PTBP3: variants seen among roughly 807,000 people sequenced by gnomAD.
The protein encoded by PTBP3 is polypyrimidine tract-binding protein 3.
Under a neutral mutation model 58.7 loss-of-function variants are expected in PTBP3, and 20 were observed. The ratio of observed to expected loss-of-function variants is 0.34; its 90% CI spans 0.24 to 0.50. PTBP3 has a LOEUF of 0.50. Ranked by LOEUF, PTBP3 falls within the 20% of genes least tolerant of loss-of-function variation. The pLI is 0.98. For synonymous variants in PTBP3, 185 were observed against 219.8 expected, an observed-to-expected ratio of 0.84 and a Z score of 1.40; for missense variants, 509 against 637.2, an observed-to-expected ratio of 0.80 and a Z score of 2.17.
At chr9:112,247,945 T>C (rs1449218503) in intron 7 of PTBP3, among the ~76,000 whole-genome samples, 1 of 152,148 alleles carries the variant, frequency 6.6e-6, no homozygotes, top group Non-Finnish European at 1.5e-5. Flanking sequence ...TATATGTATA[T>C]ACATACATAC....
chr9:112,320,962 G>C (rs1829923267), intron 1 of PTBP3, among the ~76,000 whole-genome samples: 2 of 152,144 alleles, frequency 1.3e-5, no homozygotes, highest in African/African-American at 4.8e-5. Context: ...GGAATAAGCA[G>C]ATTCCTTAGC....
At chr9:112,328,660 G>A (rs1233797008) in intron 1 of PTBP3, among the ~76,000 whole-genome samples, 1 of 152,050 alleles carries the variant, frequency 6.6e-6, no homozygotes, top group Non-Finnish European at 1.5e-5. Flanking sequence ...GGTGGTGCAC[G>A]CTTGTAGATT....
In PTBP3 at chr9:112,251,081, T is replaced by C. The variant is rs1950827225; in HGVS notation, c.650A>G (p.Tyr217Cys). 3 of 1,586,978 alleles carry C rather than the reference T, an allele frequency of 1.9e-6. No homozygotes were observed. Among genetic ancestry groups the C allele is most frequent in the Non-Finnish European group, 2.6e-6 (3 of 1,166,256 alleles). Residue 217 changes from tyrosine to cysteine, a missense_variant, in exon 7 of 14, where the codon TAT becomes TGT. Tyr to Cys is a radical substitution (Grantham distance 194). Around this residue, in one of 4 missense-constraint regions of PTBP3, gnomAD observed 41 missense variants for 78.0 expected, o/e 0.53. Coordinates refer to ENST00000374257, the MANE Select transcript of PTBP3 (RefSeq NM_001163788.4). ...AKMALDGQNI[Y>C]NACCTLRIDF... ...AATGCGCAGAGTGCAGCATGCATTA[T>C]AGATATTCTGGCCATCCAGAGCCTA...
At chr9:112,337,204 A>AT (rs1162412275), upstream of PTBP3, among the ~76,000 whole-genome samples, 4 of 152,026 alleles carry the variant, frequency 2.6e-5, no homozygotes, top group Non-Finnish European at 5.9e-5. Context: ...CAATTTTTGT[A>AT]TTTTTCATAG....
At chr9:112,297,978 TA>T in intron 1 of PTBP3, 62 bp from the exon 2 acceptor site, 2 of 1,272,368 alleles carry the variant, frequency 1.6e-6, no homozygotes, top group Non-Finnish European at 2.3e-6. Flanking sequence ...CCATATTTAC[TA>T]AAAGTATTAA....
intron 1 of PTBP3, among the ~76,000 whole-genome samples, chr9:112,300,137 T>C (rs1828855132): frequency 6.6e-6 from 1 of 152,004 alleles, no homozygotes; most frequent in Non-Finnish European, 1.5e-5. Context: ...TATATGGGAG[T>C]TAAGTATAAT....
At chr9:112,225,206 T>C (rs556020255) in intron 12 of PTBP3, among the ~76,000 whole-genome samples, 1 of 152,346 alleles carries the variant, frequency 6.6e-6, no homozygotes, top group African/African-American at 2.4e-5. Context: ...AAGGACAGTA[T>C]AGCAGAACAA....
At chr9:112,293,024 C>G (rs547970908) in intron 2 of PTBP3, among the ~76,000 whole-genome samples, 28 of 152,030 alleles carry the variant, frequency 1.8e-4, no homozygotes, top group Admixed American at 9.2e-4. Flanking sequence ...TCCACTGATA[C>G]AATAAAATAC....
chr9:112,239,521 C>T (rs73535729), intron 7 of PTBP3, among the ~76,000 whole-genome samples: 6 of 151,714 alleles, frequency 4.0e-5, no homozygotes, highest in East Asian at 1.9e-4. Context: ...CTTCAGGCCA[C>T]GAGTTCAAGA....
chr9:112,336,455 G>C (rs1015260288), upstream of PTBP3, among the ~76,000 whole-genome samples: 4 of 151,274 alleles, frequency 2.6e-5, no homozygotes, highest in Admixed American at 2.6e-4. Context: ...TTCCAAAAAG[G>C]CTGTACCAAT....
the PTBP3 span, among the ~76,000 whole-genome samples, chr9:112,359,955 T>C: frequency 6.6e-6 from 1 of 152,208 alleles, no homozygotes; most frequent in African/African-American, 2.4e-5. Flanking sequence ...AATGTTAACA[T>C]GATTATCTCT....
chr9:112,361,176 A>C, the PTBP3 span, among the ~76,000 whole-genome samples: 3 of 152,026 alleles, frequency 2.0e-5, no homozygotes, highest in East Asian at 5.8e-4. Flanking sequence ...GGCTTACTGA[A>C]ACCTCTGCCT....
chr9:112,227,461 G>A lies in PTBP3; in HGVS notation c.1314C>T (p.Asn438=), dbSNP rs1437195939. ...LHRFKKPGSK[N]FQNIFPPSAT... ...CTGATGGTGGAAAGATATTCTGGAA[G>A]TTTTTAGAGCCCGGCTTTTTAAAGC... The change falls in exon 12 of 14, where the codon AAC becomes AAT. Residue 438 remains asparagine, a synonymous_variant. Transcript: ENST00000374257. 2 of 1,614,010 alleles carry A rather than the reference G, an allele frequency of 1.2e-6. No homozygotes were observed. Among genetic ancestry groups the A allele is most frequent in the African/African-American group, 2.7e-5 (2 of 75,018 alleles).
At chr9:112,316,718 T>C (rs1829717572) in intron 1 of PTBP3, among the ~76,000 whole-genome samples, 1 of 151,524 alleles carries the variant, frequency 6.6e-6, no homozygotes, top group Non-Finnish European at 1.5e-5. Context: ...GGCGGGTGGA[T>C]CACTTGAGGT....
chr9:112,323,331 T>G (rs1830027078), intron 1 of PTBP3, among the ~76,000 whole-genome samples: 1 of 152,186 alleles, frequency 6.6e-6, no homozygotes, highest in Non-Finnish European at 1.5e-5. Context: ...CATTGCCCAA[T>G]GCCTATAAAA....
At chr9:112,354,781 AT>A in the PTBP3 span, among the ~76,000 whole-genome samples, 8 of 152,180 alleles carry the variant, frequency 5.3e-5, no homozygotes, top group East Asian at 7.7e-4. Context: ...ACATCTTTTT[AT>A]TTTTTTTAAA....
chr9:112,305,484 T>G (rs1012937395), intron 1 of PTBP3, among the ~76,000 whole-genome samples: 2 of 151,982 alleles, frequency 1.3e-5, no homozygotes, highest in African/African-American at 4.8e-5. Flanking sequence ...CTCCAGTGAG[T>G]TTCCCTGGTT....
the PTBP3 span, among the ~76,000 whole-genome samples, chr9:112,355,925 A>G: frequency 7.6e-6 from 1 of 131,326 alleles, no homozygotes; most frequent in Non-Finnish European, 1.7e-5. Context: ...CCTGGAAATA[A>G]AAGTTTCTTT....
chr9:112,279,712 T>G (rs1201474829), intron 2 of PTBP3, among the ~76,000 whole-genome samples: 1 of 151,936 alleles, frequency 6.6e-6, no homozygotes, highest in Non-Finnish European at 1.5e-5. Flanking sequence ...ATTCTTGAAA[T>G]GAGGTACCTA....
Sources: allele counts gnomAD v4.1 joint callset (sites outside exome capture counted in the v4.1 genomes callset), GRCh38; gene constraint gnomAD v4.1.1; regional missense constraint gnomAD v4.1.1; transcripts MANE v1.5; gene names NCBI Gene and HGNC (gene_info 2026-07-23, HGNC 2026-07-21).